Variants in SKP2 observed in about 807,000 individuals in gnomAD.
The protein encoded by SKP2 is S-phase kinase-associated protein 2.
Under a neutral mutation model 51.8 loss-of-function variants are expected in SKP2, and 16 were observed. The observed-to-expected ratio is 0.31, with a 90% CI of 0.21 to 0.47. The LOEUF is 0.47. Among genes scored for constraint, SKP2 ranks in the 20% least tolerant of loss-of-function variants. SKP2 has a pLI of 1.00. For missense variants in SKP2, 377 were observed against 505.3 expected, an observed-to-expected ratio of 0.75 and a Z score of 2.43; for synonymous variants, 176 against 198.6, an observed-to-expected ratio of 0.89 and a Z score of 0.96.
chr5:36,184,787 A>G (rs546754507), downstream of SKP2, among the ~76,000 whole-genome samples: 1 of 152,306 alleles, frequency 6.6e-6, no homozygotes, highest in Non-Finnish European at 1.5e-5. Context: ...CAGTAATGGG[A>G]TGGCTGGGTC....
At chr5:36,165,817 G>T (rs1395748454) in intron 3 of SKP2, among the ~76,000 whole-genome samples, 2 of 151,930 alleles carry the variant, frequency 1.3e-5, no homozygotes, top group Non-Finnish European at 2.9e-5. Context: ...ATTAAACTAT[G>T]GATATTAAAA....
Position 36,166,534 on chromosome 5 carries a change from A to G in SKP2, c.408A>G (p.Leu136=), listed in dbSNP as rs781294323. ...RWYRLASDES[L]WQTLDLTGKN... Reference sequence around the variant, plus strand: ...TCTTTTATAGGTCTGATGAGTCTCTATGGCAGACCTTAGACCTCACAGGTA... The same window carrying G: ...TCTTTTATAGGTCTGATGAGTCTCTGTGGCAGACCTTAGACCTCACAGGTA... The change falls in exon 4 of 10, where the codon CTA becomes CTG. Residue 136 remains leucine, a synonymous_variant. Transcript: ENST00000274255. 21 of 1,613,960 alleles carry G rather than the reference A, an allele frequency of 1.3e-5. No individual in the cohort carries two copies. Among genetic ancestry groups the G allele is most frequent in the Middle Eastern group, 1.6e-4 (1 of 6,084 alleles).
At chr5:36,188,529 C>A (rs998101712), downstream of SKP2, among the ~76,000 whole-genome samples, 1 of 152,104 alleles carries the variant, frequency 6.6e-6, no homozygotes, top group Non-Finnish European at 1.5e-5. Context: ...GTTGAAAATT[C>A]TTTTCTTTAA....
At chr5:36,189,186 C>T (rs548588978), downstream of SKP2, among the ~76,000 whole-genome samples, 8 of 152,258 alleles carry the variant, frequency 5.3e-5, no homozygotes, top group African/African-American at 1.9e-4. Flanking sequence ...TCCTTTAGCT[C>T]GGAGAAGTTT....
intron 2 of SKP2, among the ~76,000 whole-genome samples, chr5:36,160,974 C>A (rs78217542): frequency 0.019 from 2,843 of 152,208 alleles, 82 homozygotes; most frequent in African/African-American, 0.066. Context: ...AACAGGCATT[C>A]ATTGAACAAC....
At position 36,182,974 on chromosome 5, in the gene SKP2, G is replaced by T; in HGVS notation, c.*943G>T. 1 of 953,956 alleles carries T rather than the reference G, an allele frequency of 1.0e-6. No individual in the cohort carries two copies. Among genetic ancestry groups the T allele is most frequent in the Non-Finnish European group, 1.2e-6 (1 of 808,006 alleles). The allele number at this position is 953,956 out of a possible 1,614,324, so 59.1% of individuals were successfully genotyped here. A position where few individuals can be genotyped will look rare whatever the true frequency, so the allele number is the denominator to read the frequency against. On this transcript the variant is annotated 3_prime_UTR_variant, in exon 10 of 10. Transcript: ENST00000274255. ...TTAAGGTTACTTTTATATTACTCTG[G>T]AATCAAGTATTTTAAATTGTATTTT...
intron 1 of SKP2, 27 bp from the exon 2 acceptor site, chr5:36,152,744 A>C (rs1744781775): frequency 6.2e-7 from 1 of 1,605,492 alleles, no homozygotes; most frequent in African/African-American, 1.3e-5. Context: ...TTTCGAAAGG[A>C]ACCGGGGGTA....
intron 7 of SKP2, among the ~76,000 whole-genome samples, chr5:36,172,012 G>A (rs1366847969): frequency 3.3e-5 from 5 of 152,180 alleles, no homozygotes; most frequent in Admixed American, 2.6e-4. Flanking sequence ...TCAACTAAAT[G>A]GTTAGGTAAA....
intron 9 of SKP2, among the ~76,000 whole-genome samples, chr5:36,179,910 G>T (rs186621838): frequency 1.6e-3 from 136 of 85,278 alleles, no homozygotes; most frequent in African/African-American, 3.6e-3. Context: ...CACATACCGG[G>T]GGCATTTTTT....
In SKP2 at chr5:36,165,050, A is replaced by C. The variant is rs1054873681; in HGVS notation, c.392+1294A>C. The stretch of plus-strand genomic sequence containing the variant: ...TGTGGCTTTGTATTCTTTGACCTAC[A>C]TCTCCCTTAGAGTCTGTTAAACTTC... On this transcript the variant is annotated intron_variant, in intron 3 of 9. Transcript: ENST00000274255. Among the ~76,000 whole-genome samples the C allele has an allele frequency of 3.9e-5, 6 of 152,178 alleles. No homozygotes were observed. In the East Asian group the frequency reaches 9.6e-4, roughly 24 times the overall value.
intron 6 of SKP2, among the ~76,000 whole-genome samples, chr5:36,191,278 T>C (rs576067474): frequency 6.0e-4 from 91 of 152,072 alleles, no homozygotes; most frequent in African/African-American, 2.0e-3. Context: ...ATACAGGCAA[T>C]AGAGGCTAAG....
At chr5:36,191,568 CA>C (rs1746025407) in intron 6 of SKP2, among the ~76,000 whole-genome samples, 2 of 152,078 alleles carry the variant, frequency 1.3e-5, no homozygotes, top group South Asian at 4.1e-4. Flanking sequence ...TGGCCAAGTG[CA>C]AAACTTTATT....
intron 2 of SKP2, among the ~76,000 whole-genome samples, chr5:36,161,213 T>G (rs1204728997): frequency 6.6e-6 from 1 of 151,272 alleles, no homozygotes; most frequent in East Asian, 1.9e-4. Flanking sequence ...TAGACCTCAG[T>G]GTATAGTACA....
intron 7 of SKP2, among the ~76,000 whole-genome samples, chr5:36,176,408 A>G (rs1168686632): frequency 6.6e-6 from 1 of 151,454 alleles, no homozygotes; most frequent in East Asian, 1.9e-4. Context: ...CCAAGATTCA[A>G]TTAAATAATT....
At chr5:36,167,243 A>T (rs974451339) in intron 4 of SKP2, among the ~76,000 whole-genome samples, 5 of 152,180 alleles carry the variant, frequency 3.3e-5, no homozygotes, top group African/African-American at 1.2e-4. Context: ...CAAGCTGAAG[A>T]CAACAAAGCT....
chr5:36,182,702 T>A lies in SKP2; in HGVS notation c.*671T>A. 4 of 979,726 alleles carry A rather than the reference T, an allele frequency of 4.1e-6. No homozygotes were observed. Among genetic ancestry groups the A allele is most frequent in the Non-Finnish European group, 4.8e-6 (4 of 824,752 alleles). The allele number at this position is 979,726 out of a possible 1,614,324, so 60.7% of individuals were successfully genotyped here. A position where few individuals can be genotyped will look rare whatever the true frequency, so the allele number is the denominator to read the frequency against. ...TTTGAAGGCCCAGCAGACAGTTTTC[T>A]ATGACAGGTTAATCTGAAGTATCCT... On this transcript the variant is annotated 3_prime_UTR_variant, in exon 10 of 10. Coordinates refer to ENST00000274255, the MANE Select transcript of SKP2 (RefSeq NM_005983.4).
At chr5:36,191,081 T>C (rs1746013771) in intron 6 of SKP2, among the ~76,000 whole-genome samples, 1 of 152,238 alleles carries the variant, frequency 6.6e-6, no homozygotes, top group African/African-American at 2.4e-5. Flanking sequence ...TTATCTGTCC[T>C]GTGTTCTACA....
At chr5:36,174,487 T>G (rs1192945191) in intron 7 of SKP2, among the ~76,000 whole-genome samples, 5 of 152,086 alleles carry the variant, frequency 3.3e-5, no homozygotes, top group African/African-American at 1.2e-4. Context: ...CCCTCAAAAT[T>G]TTATTGTGTA....
At chr5:36,155,460 A>G (rs1199935704) in intron 2 of SKP2, among the ~76,000 whole-genome samples, 1 of 152,166 alleles carries the variant, frequency 6.6e-6, no homozygotes, top group Non-Finnish European at 1.5e-5. Context: ...AATAATACCC[A>G]CTTCACAGGT....
Sources: gnomAD v4.1 joint callset for allele counts (sites outside exome capture counted in the v4.1 genomes callset) on GRCh38, gnomAD v4.1.1 for gene constraint, MANE v1.5 for transcripts, NCBI Gene and HGNC (gene_info 2026-07-23, HGNC 2026-07-21) for gene names.